Variants in USP34 observed in about 807,000 individuals in gnomAD.
USP34 encodes ubiquitin specific peptidase 34, also known as ubiquitin carboxyl-terminal hydrolase 34.
A neutral mutation model predicts 460.3 loss-of-function variants in USP34; 70 were observed. The ratio of observed to expected loss-of-function variants is 0.15; its 90% confidence interval spans 0.13 to 0.19. The LOEUF is 0.19. Ranked by LOEUF, USP34 falls within the 10% of genes least tolerant of loss-of-function variation. USP34 has a pLI of 1.00. For synonymous variants in USP34, 1,647 were observed against 1,405.3 expected, an observed-to-expected ratio of 1.17 and a Z score of -3.85; for missense variants, 3,985 against 4,236.2, an observed-to-expected ratio of 0.94 and a Z score of 1.65.
chr2:61,240,960 A>G (rs1688239051), intron 53 of USP34, among the ~76,000 whole-genome samples: 1 of 152,210 alleles, frequency 6.6e-6, no homozygotes, highest in African/African-American at 2.4e-5. Flanking sequence ...AGGAACACTT[A>G]CAAACCCATC....
chr2:61,409,629 G>C (rs1333505341), intron 2 of USP34, among the ~76,000 whole-genome samples: 1 of 152,092 alleles, frequency 6.6e-6, no homozygotes, highest in African/African-American at 2.4e-5. Flanking sequence ...CAGGAGAATT[G>C]TTTGAACCCA....
At chr2:61,417,194 C>G (rs13028833) in intron 2 of USP34, 842,242 of 1,565,224 alleles carry the variant, frequency 0.54, 229,798 homozygotes, top group South Asian at 0.73. Context: ...CCTGTTTGGA[C>G]CCTACACTGG....
intron 48 of USP34, 94 bp downstream of exon 48, chr2:61,256,290 T>A: frequency 8.6e-7 from 1 of 1,156,884 alleles, no homozygotes; most frequent in South Asian, 1.4e-5. Flanking sequence ...ACCTTCATCA[T>A]ATAATTTCCA....
At chr2:61,349,040 ATT>A (rs1192880507) in intron 13 of USP34, among the ~76,000 whole-genome samples, 154 bp from the exon 14 acceptor site, 6 of 148,814 alleles carry the variant, frequency 4.0e-5, no homozygotes, top group Non-Finnish European at 9.0e-5. Context: ...TTTGCTCATG[ATT>A]TCTAAAGAAG....
chr2:61,288,964 TA>T lies in USP34; in HGVS notation c.4549-88del, dbSNP rs1295441625. 3 of 1,348,318 alleles carry T rather than the reference TA, an allele frequency of 2.2e-6. No homozygotes were observed. In the African/African-American group the frequency reaches 4.4e-5, roughly 20 times the overall value. The allele number at this position is 1,348,318 out of a possible 1,614,324, so 83.5% of individuals were successfully genotyped here. ...ATTTTGAAATTAAAAGACCAGAAAA[TA>T]AAAATAATTATAGCTAGTACTTAAT... On this transcript the variant is annotated intron_variant, in intron 33 of 79. Transcript: ENST00000398571.
rs758079950 is a variant in USP34, at chr2:61,232,581, TACATGGGATAACAGTC to T, written c.7033-65_7033-50del. 2.2e-6 allele frequency: 3 copies of T among 1,390,054 alleles called. No individual in the cohort carries two copies. The African/African-American group carries it at 4.3e-5, about 20-fold the overall frequency. 86.1% of individuals were successfully genotyped at this position (1,390,054 alleles called of 1,614,324 possible). A position where few individuals can be genotyped will look rare whatever the true frequency, so the allele number is the denominator to read the frequency against. Reference sequence around the variant, plus strand: ...ACTTTAACATTCAACAAATATTTGTTACATGGGATAACAGTCACATAAGAATTTTATTTCTAGTCAA... The same window carrying T: ...ACTTTAACATTCAACAAATATTTGTTACATAAGAATTTTATTTCTAGTCAA... On this transcript the variant is annotated intron_variant, in intron 57 of 79. Coordinates refer to ENST00000398571, the MANE Select transcript of USP34 (RefSeq NM_014709.4).
chr2:61,345,744 TC>T (rs1691747817), intron 15 of USP34, among the ~76,000 whole-genome samples: 1 of 152,108 alleles, frequency 6.6e-6, no homozygotes, highest in South Asian at 2.1e-4. Context: ...AAGCGATCCT[TC>T]CACCTCAGCC....
At chr2:61,247,805 AT>A (rs543659812) in intron 49 of USP34, among the ~76,000 whole-genome samples, 1 of 152,070 alleles carries the variant, frequency 6.6e-6, no homozygotes, top group Non-Finnish European at 1.5e-5. Flanking sequence ...ACTTATTTTT[AT>A]TTTTTTGAGA....
At chr2:61,285,772 G>A (rs553896482) in intron 34 of USP34, among the ~76,000 whole-genome samples, 21 of 152,142 alleles carry the variant, frequency 1.4e-4, no homozygotes, top group Non-Finnish European at 2.6e-4. Context: ...AATATACCAC[G>A]GGTAGAGAGC....
At chr2:61,446,070 C>T (rs1695106341) in intron 1 of USP34, among the ~76,000 whole-genome samples, 1 of 140,598 alleles carries the variant, frequency 7.1e-6, no homozygotes, top group Admixed American at 7.4e-5. Flanking sequence ...GCCAGGATTG[C>T]ACCACTGCAC....
chr2:61,442,021 G>C (rs966418067), intron 1 of USP34, among the ~76,000 whole-genome samples: 20 of 152,010 alleles, frequency 1.3e-4, no homozygotes, highest in Non-Finnish European at 2.9e-5. Flanking sequence ...ATGTTCACTG[G>C]GGAAAGGACA....
chr2:61,313,128 C>G (rs1448485867), intron 25 of USP34, among the ~76,000 whole-genome samples: 1 of 151,926 alleles, frequency 6.6e-6, no homozygotes, highest in African/African-American at 2.4e-5. Context: ...TTATCCATAT[C>G]CTAGTTATTG....
chr2:61,253,152 T>C (rs1312192926), intron 48 of USP34, among the ~76,000 whole-genome samples: 1 of 152,208 alleles, frequency 6.6e-6, no homozygotes, highest in African/African-American at 2.4e-5. Context: ...TGTTGATTAT[T>C]ATGTTAGTAC....
chr2:61,223,579 T>TC (rs1687650071), intron 62 of USP34: 1 of 286,416 alleles, frequency 3.5e-6, no homozygotes, highest in African/African-American at 2.2e-5. Context: ...CTTACTTTTT[T>TC]TTTTTTTTGA....
chr2:61,272,054 C>G (rs1040313562), intron 41 of USP34, among the ~76,000 whole-genome samples: 1 of 152,140 alleles, frequency 6.6e-6, no homozygotes, highest in Non-Finnish European at 1.5e-5. Flanking sequence ...TCTGACATTT[C>G]TGAGTTTTTC....
At chr2:61,198,352 T>C (rs939935828) in intron 75 of USP34, among the ~76,000 whole-genome samples, 13 of 152,224 alleles carry the variant, frequency 8.5e-5, no homozygotes, top group African/African-American at 3.1e-4. Context: ...AGGTGAACTA[T>C]GGTTTACTTA....
chr2:61,198,876 T>C (rs1049940945), intron 75 of USP34, among the ~76,000 whole-genome samples: 1 of 151,976 alleles, frequency 6.6e-6, no homozygotes. Flanking sequence ...CTCAAATTGT[T>C]TGCTTTATTA....
At chr2:61,229,113 G>T (rs942624761) in intron 59 of USP34, 118 bp from the exon 60 acceptor site, 10 of 712,982 alleles carry the variant, frequency 1.4e-5, no homozygotes, top group South Asian at 4.1e-5. Flanking sequence ...AATATGAACC[G>T]CAATAACTTA....
Position 61,236,031 on chromosome 2 carries a change from C to A in USP34, c.6961G>T (p.Glu2321Ter). The change falls in exon 56 of 80, where the codon GAA (glutamate) becomes TAA (stop). Residue 2321 changes from glutamate (E) to a stop codon, truncating the protein, a stop_gained. Coordinates refer to ENST00000398571, the MANE Select transcript of USP34 (RefSeq NM_014709.4). LOFTEE classifies it high-confidence loss of function. Reference protein sequence around the residue: ...FVLETFIHSKEKPTMLQWIEL... With the variant: ...FVLETFIHSK The stretch of plus-strand genomic sequence containing the variant: ...CCATAGTAGAAAACACATACCTTTT[C>A]TTTAGAATGAATAAATGTCTCTAGG... 6.2e-7 allele frequency: 1 copy of A among 1,605,902 alleles called. No homozygotes were observed. The highest frequency in any genetic ancestry group is 1.1e-5 in the South Asian group (1 of 88,820).
Sources: allele counts gnomAD v4.1 joint callset (sites outside exome capture counted in the v4.1 genomes callset), GRCh38; gene constraint gnomAD v4.1.1; transcripts MANE v1.5; gene names NCBI Gene and HGNC (gene_info 2026-07-23, HGNC 2026-07-21).